Variants in VSNL1 observed in about 807,000 individuals in gnomAD.
The protein encoded by VSNL1 is visinin like 1.
In VSNL1, 6 loss-of-function variants were observed where a neutral mutation model predicts 20.4. That is an observed-to-expected ratio of 0.29 (90% CI 0.16 to 0.58). The LOEUF is 0.58. VSNL1 is among the 20% of genes least tolerant of loss of function. The probability of loss-of-function intolerance (pLI) is 0.90; values close to 1 mark genes in which losing one functional copy is unlikely to be tolerated. For synonymous variants in VSNL1, 93 were observed against 86.4 expected (o/e 1.08, Z -0.42); for missense variants, 100 against 234.5 (o/e 0.43, Z 3.75).
At chr2:17,599,001 G>A (rs1664771407) in intron 2 of VSNL1, among the ~76,000 whole-genome samples, 1 of 152,188 alleles carries the variant, frequency 6.6e-6, no homozygotes, top group South Asian at 2.1e-4. Context: ...TAATGCAGAG[G>A]GAGTCTCCAG....
intron 2 of VSNL1, among the ~76,000 whole-genome samples, chr2:17,628,258 T>C (rs1234839518): frequency 6.6e-6 from 1 of 152,242 alleles, no homozygotes; most frequent in Non-Finnish European, 1.5e-5. Flanking sequence ...CTGGCACATA[T>C]TGGATATCTA....
chr2:17,623,109 A>G (rs1323963752), intron 2 of VSNL1, among the ~76,000 whole-genome samples: 1 of 152,190 alleles, frequency 6.6e-6, no homozygotes, highest in African/African-American at 2.4e-5. Flanking sequence ...GTTGGCCAGG[A>G]GTTTAAGGAC....
chr2:17,572,466 C>T (rs779397940), intron 1 of VSNL1, among the ~76,000 whole-genome samples: 4 of 151,940 alleles, frequency 2.6e-5, no homozygotes, highest in Non-Finnish European at 5.9e-5. Flanking sequence ...TACACTGTGA[C>T]TGGAGCAGCC....
intron 1 of VSNL1, among the ~76,000 whole-genome samples, chr2:17,590,039 G>A (rs1056085580): frequency 2.0e-5 from 3 of 152,104 alleles, no homozygotes; most frequent in African/African-American, 4.8e-5. Context: ...TTCTAGCTCC[G>A]CCATGCATTA....
intron 2 of VSNL1, among the ~76,000 whole-genome samples, chr2:17,605,733 C>G (rs1031159370): frequency 1.8e-4 from 27 of 152,176 alleles, no homozygotes; most frequent in African/African-American, 6.5e-4. Flanking sequence ...GGAAAGGTGT[C>G]TGTTATCCCC....
At chr2:17,641,220 T>G (rs920043821) in intron 2 of VSNL1, among the ~76,000 whole-genome samples, 1 of 152,212 alleles carries the variant, frequency 6.6e-6, no homozygotes, top group African/African-American at 2.4e-5. Context: ...AAATAAGTTT[T>G]AGAACCAGTT....
At chr2:17,552,646 T>G (rs1160635826) in intron 1 of VSNL1, among the ~76,000 whole-genome samples, 2 of 152,194 alleles carry the variant, frequency 1.3e-5, no homozygotes, top group Non-Finnish European at 2.9e-5. Flanking sequence ...AGTTTACATA[T>G]ATCCACAATA....
At position 17,649,644 on chromosome 2, in the gene VSNL1, T is replaced by A; in HGVS notation, c.378+19T>A. On this transcript the variant is annotated intron_variant, in intron 3 of 3. Transcript: ENST00000295156. The surrounding 1 kb of genome is among the most constrained non-coding windows in gnomAD (Gnocchi z 6.4). ...CATCGAGGTGAGGCCCGGGGTGTGG[T>A]TGGCGGGTGGTGGGCACAGAAGGAG... The A allele has an allele frequency of 2.5e-6, 4 of 1,613,154 alleles. No homozygotes were observed. Among genetic ancestry groups the A allele is most frequent in the Non-Finnish European group, 3.4e-6 (4 of 1,179,632 alleles).
chr2:17,551,054 A>G (rs1437623045), intron 1 of VSNL1, among the ~76,000 whole-genome samples: 1 of 152,212 alleles, frequency 6.6e-6, no homozygotes, highest in Non-Finnish European at 1.5e-5. Flanking sequence ...GCATTGACCC[A>G]TCAATAAATT....
At chr2:17,550,423 T>C (rs1185029351) in intron 1 of VSNL1, among the ~76,000 whole-genome samples, 1 of 152,234 alleles carries the variant, frequency 6.6e-6, no homozygotes, top group Non-Finnish European at 1.5e-5. Context: ...TCTCATGCTC[T>C]GGTTGTAGAA....
At chr2:17,588,466 G>A (rs891433032) in intron 1 of VSNL1, among the ~76,000 whole-genome samples, 2 of 152,114 alleles carry the variant, frequency 1.3e-5, no homozygotes, top group South Asian at 2.1e-4. Context: ...ATGGTGTAGC[G>A]GAATCTCTTT....
At chr2:17,612,201 G>T (rs1169066587) in intron 2 of VSNL1, among the ~76,000 whole-genome samples, 1 of 152,128 alleles carries the variant, frequency 6.6e-6, no homozygotes, top group African/African-American at 2.4e-5. Flanking sequence ...TTGCCGCATG[G>T]TCCTTTTTGG....
chr2:17,637,178 T>G (rs1393262727), intron 2 of VSNL1, among the ~76,000 whole-genome samples: 2 of 152,206 alleles, frequency 1.3e-5, no homozygotes, highest in East Asian at 3.8e-4. Flanking sequence ...GGCATCTTTA[T>G]TCATGAACCT....
intron 1 of VSNL1, among the ~76,000 whole-genome samples, chr2:17,589,682 C>T (rs1315786059): frequency 6.6e-6 from 1 of 152,168 alleles, no homozygotes. Flanking sequence ...TGTAAGAGAC[C>T]ACCCTCTCCA....
chr2:17,649,505 C>A lies in VSNL1; in HGVS notation c.258C>A (p.Ile86=), dbSNP rs1666078046. The A allele has an allele frequency of 6.2e-7, 1 of 1,614,106 alleles. No homozygotes were observed. The highest frequency in any genetic ancestry group is 1.3e-5 in the African/African-American group (1 of 74,924). ...GDGTIDFREF[I]CALSITSRGS... ...GCACCATTGACTTCCGAGAGTTCATCTGCGCTCTGTCCATCACCTCCAGGG... is the reference window on the plus strand; with the variant it reads ...GCACCATTGACTTCCGAGAGTTCATATGCGCTCTGTCCATCACCTCCAGGG... The change falls in exon 3 of 4, where the codon ATC becomes ATA. Residue 86 remains isoleucine (I), a synonymous_variant. Transcript: ENST00000295156. This position sits in a 1 kb window ranked among gnomAD's most constrained non-coding sequence, Gnocchi z 6.4.
At chr2:17,627,140 C>T (rs999149558) in intron 2 of VSNL1, among the ~76,000 whole-genome samples, 1 of 152,204 alleles carries the variant, frequency 6.6e-6, no homozygotes, top group African/African-American at 2.4e-5. Context: ...ACATCACAGC[C>T]CGTGGCTGCC....
intron 1 of VSNL1, among the ~76,000 whole-genome samples, chr2:17,558,133 A>G (rs1309215477): frequency 6.6e-6 from 1 of 152,216 alleles, no homozygotes; most frequent in African/African-American, 2.4e-5. Context: ...AGCAGCAACC[A>G]AAGTATATAA....
intron 2 of VSNL1, among the ~76,000 whole-genome samples, chr2:17,627,373 C>G (rs1030044285): frequency 1.8e-4 from 28 of 152,216 alleles, no homozygotes; most frequent in African/African-American, 6.5e-4. Context: ...AGGGGTTCAC[C>G]TTGCCCACTG....
At chr2:17,632,388 C>T (rs1665654552) in intron 2 of VSNL1, among the ~76,000 whole-genome samples, 2 of 152,084 alleles carry the variant, frequency 1.3e-5, no homozygotes, top group African/African-American at 4.8e-5. Flanking sequence ...GCAACCTCTG[C>T]CTCCCGGGTT....
Sources: allele counts gnomAD v4.1 joint callset (sites outside exome capture counted in the v4.1 genomes callset), GRCh38; gene constraint gnomAD v4.1.1; non-coding constraint Gnocchi (gnomAD v3.1); transcripts MANE v1.5; gene names NCBI Gene and HGNC (gene_info 2026-07-23, HGNC 2026-07-21).